Variants in SLC2A14 observed in about 807,000 individuals in gnomAD.
The protein encoded by SLC2A14 is solute carrier family 2, facilitated glucose transporter member 14.
In SLC2A14, 13 loss-of-function variants were observed where a neutral mutation model predicts 43.0. The observed-to-expected ratio is 0.30, with a 90% CI of 0.20 to 0.48. The LOEUF is 0.48. Among genes scored for constraint, SLC2A14 ranks in the 20% least tolerant of loss-of-function variants. The pLI is 0.99. For synonymous variants in SLC2A14, 190 were observed against 233.8 expected (o/e 0.81, Z 1.71); for missense variants, 428 against 620.4 (o/e 0.69, Z 3.29).
intron 2 of SLC2A14, among the ~76,000 whole-genome samples, chr12:7,855,094 C>T (rs1867250305): frequency 6.6e-6 from 1 of 152,108 alleles, no homozygotes; most frequent in Non-Finnish European, 1.5e-5. Context: ...AGGCATGAGC[C>T]ACCGCATCCA....
chr12:7,883,658 C>T (rs1412054643), intron 1 of SLC2A14, among the ~76,000 whole-genome samples: 3 of 133,396 alleles, frequency 2.2e-5, no homozygotes, highest in African/African-American at 5.9e-5. Context: ...GCAGTCTCGG[C>T]TCACAGCCTC....
At chr12:7,855,222 T>C (rs189713416) in intron 2 of SLC2A14, among the ~76,000 whole-genome samples, 173 of 152,286 alleles carry the variant, frequency 1.1e-3, no homozygotes, top group Admixed American at 4.2e-3. Context: ...ATTCCATCTT[T>C]ACATCCTCTT....
At chr12:7,888,220 C>T (rs772474400) in intron 1 of SLC2A14, among the ~76,000 whole-genome samples, 1 of 152,074 alleles carries the variant, frequency 6.6e-6, no homozygotes, top group Non-Finnish European at 1.5e-5. Flanking sequence ...CTTCGGTTGG[C>T]ACACATGCCA....
intron 10 of SLC2A14, among the ~76,000 whole-genome samples, chr12:7,816,757 G>A (rs1358159219): frequency 1.3e-5 from 2 of 151,934 alleles, no homozygotes; most frequent in Non-Finnish European, 1.5e-5. Context: ...ACCCAGGCTG[G>A]AGTGTCATGG....
chr12:7,887,516 C>T (rs754885274), intron 1 of SLC2A14, among the ~76,000 whole-genome samples: 1 of 151,854 alleles, frequency 6.6e-6, no homozygotes, highest in South Asian at 2.1e-4. Context: ...AAAGTAATTG[C>T]CCTCACAGAG....
At chr12:7,864,024 G>C (rs2889501) in intron 2 of SLC2A14, among the ~76,000 whole-genome samples, 59,724 of 151,056 alleles carry the variant, frequency 0.4, 11,881 homozygotes, top group East Asian at 0.56. Flanking sequence ...CACTGTGGTA[G>C]CCAGGATGGT....
chr12:7,872,842 C>T lies in SLC2A14; in HGVS notation c.-93G>A. The T allele has an allele frequency of 2.0e-6, 2 of 985,526 alleles. No individual in the cohort carries two copies. Among genetic ancestry groups the T allele is most frequent in the Non-Finnish European group, 2.4e-6 (2 of 830,028 alleles). 61.0% of individuals were successfully genotyped at this position (985,526 alleles called of 1,614,324 possible). A position where few individuals can be genotyped will look rare whatever the true frequency, so the allele number is the denominator to read the frequency against. ...CCGCGACTGCGGTTGGGCCCCGCGG[C>T]TTCGCTCAACCACGCACCTCCCGGG... On this transcript the variant is annotated 5_prime_UTR_variant, in exon 1 of 11. Coordinates refer to ENST00000431042, the MANE Select transcript of SLC2A14 (RefSeq NM_001286234.2).
At chr12:7,851,791 G>T (rs1866958921) in intron 2 of SLC2A14, among the ~76,000 whole-genome samples, 1 of 152,100 alleles carries the variant, frequency 6.6e-6, no homozygotes, top group Non-Finnish European at 1.5e-5. Flanking sequence ...GGTAGCCTGA[G>T]AATGAAGCTA....
At chr12:7,840,053 A>G in intron 2 of SLC2A14, 1 of 315,316 alleles carries the variant, frequency 3.2e-6, no homozygotes, top group Admixed American at 4.4e-5. Context: ...TCAAGCCTGC[A>G]GTGAGCTATG....
At position 7,831,763 on chromosome 12, in the gene SLC2A14, A is replaced by T. The variant is rs776761126; in HGVS notation, c.113T>A (p.Ile38Asn). The T allele has an allele frequency of 1.2e-6, 2 of 1,614,206 alleles. No individual in the cohort carries two copies. Among genetic ancestry groups the T allele is most frequent in the Non-Finnish European group, 8.5e-7 (1 of 1,180,034 alleles). Reference sequence around the variant, plus strand: ...AGTTTTATTGATAAATTCCTTTATGATCTGCAAAATAAAAGGTGGGAGGAC... The same window carrying T: ...AGTTTTATTGATAAATTCCTTTATGTTCTGCAAAATAAAAGGTGGGAGGAC... ...NTGVINAPET[I>N]IKEFINKTLT... The change falls in exon 4 of 11, where the codon ATC becomes AAC. Residue 38 changes from isoleucine (I) to asparagine (N), a missense_variant and splice_region_variant. By Grantham distance (149) the Ile-to-Asn change is moderately radical. Coordinates refer to ENST00000431042, the MANE Select transcript of SLC2A14 (RefSeq NM_001286234.2).
intron 8 of SLC2A14, among the ~76,000 whole-genome samples, chr12:7,820,449 A>G (rs1424128343): frequency 6.6e-6 from 1 of 152,120 alleles, no homozygotes; most frequent in Non-Finnish European, 1.5e-5. Context: ...CAGTCTTGGG[A>G]AATCGGCCAC....
intron 10 of SLC2A14, among the ~76,000 whole-genome samples, chr12:7,814,937 C>T (rs1413170577): frequency 2.6e-5 from 4 of 151,832 alleles, no homozygotes; most frequent in South Asian, 2.1e-4. Context: ...GTAGCTGGGA[C>T]TACAGGTGCC....
intron 4 of SLC2A14, among the ~76,000 whole-genome samples, chr12:7,831,049 G>A (rs1016141354): frequency 2.6e-5 from 4 of 151,384 alleles, no homozygotes; most frequent in African/African-American, 4.9e-5. Flanking sequence ...ACTTGAACCC[G>A]GGAGGCAGAG....
chr12:7,851,924 T>C (rs1347686367), intron 2 of SLC2A14, among the ~76,000 whole-genome samples: 1 of 152,314 alleles, frequency 6.6e-6, no homozygotes, highest in Non-Finnish European at 1.5e-5. Context: ...GACAGCATCA[T>C]TCTTTGTCTC....
Position 7,814,210 on chromosome 12 carries a change from G to A in SLC2A14, c.*106C>T, listed in dbSNP as rs1249102912. 5 of 1,487,938 alleles carry A rather than the reference G, an allele frequency of 3.4e-6. No homozygotes were observed. In the African/African-American group the frequency reaches 7.0e-5, roughly 21 times the overall value. The allele number at this position is 1,487,938 out of a possible 1,614,324, so 92.2% of individuals were successfully genotyped here. On this transcript the variant is annotated 3_prime_UTR_variant, in exon 11 of 11. Transcript: ENST00000431042. The stretch of plus-strand genomic sequence containing the variant: ...GTGCGTGGGATGAGAAAGAAATCAA[G>A]TAGCAGCATTCAGAAGCAGTCCTGG...
Position 7,826,903 on chromosome 12 carries a change from T to TTCTTTC in SLC2A14, c.864+586_864+591dup, listed in dbSNP as rs1358895890. Among the ~76,000 whole-genome samples, 8 of 76,490 alleles carry TTCTTTC rather than the reference T, an allele frequency of 1.0e-4. 2 individuals carry two copies. Among genetic ancestry groups the TTCTTTC allele is most frequent in the Non-Finnish European group, 1.8e-4 (7 of 38,560 alleles). The allele number at this position is 76,490 out of a possible 152,430, so 50.2% of individuals were successfully genotyped here. A position where few individuals can be genotyped will look rare whatever the true frequency, so the allele number is the denominator to read the frequency against. ...TTTCTTTCTTTCTTTCTTTCTTTCT[T>TTCTTTC]TCTTTCTTTCTTTTTCCTTTTTCTT... On this transcript the variant is annotated intron_variant, in intron 7 of 10. Coordinates refer to ENST00000431042, the MANE Select transcript of SLC2A14 (RefSeq NM_001286234.2).
Position 7,830,136 on chromosome 12 carries a change from T to A in SLC2A14, c.273-130A>T, listed in dbSNP as rs1173401327. On this transcript the variant is annotated intron_variant, in intron 4 of 10. Transcript: ENST00000431042. ...CCTTTTTTGGTCTAACTTTTCTTTTTCACTTTCTTTTCTTTTCTTTCTTTT... is the reference window on the plus strand; with the variant it reads ...CCTTTTTTGGTCTAACTTTTCTTTTACACTTTCTTTTCTTTTCTTTCTTTT... 4.0e-6 allele frequency: 5 copies of A among 1,253,174 alleles called. No homozygotes were observed. The African/African-American group carries it at 7.8e-5, about 19-fold the overall frequency. 77.6% of individuals were successfully genotyped at this position (1,253,174 alleles called of 1,614,324 possible).
intron 2 of SLC2A14, among the ~76,000 whole-genome samples, chr12:7,867,286 AAAAAAAAAAAAAAAC>A (rs1357407454): frequency 1.7e-5 from 2 of 116,290 alleles, no homozygotes; most frequent in Non-Finnish European, 3.7e-5. Flanking sequence ...GTCTCAAAAA[AAAAAAAAAAAAAAAC>A]AAAAAAAACA....
intron 10 of SLC2A14, among the ~76,000 whole-genome samples, chr12:7,814,946 C>CAA (rs1863302281): frequency 6.6e-6 from 1 of 151,798 alleles, no homozygotes; most frequent in Non-Finnish European, 1.5e-5. Context: ...ACTACAGGTG[C>CAA]CCACCAGCAC....
Sources: allele counts gnomAD v4.1 joint callset (sites outside exome capture counted in the v4.1 genomes callset), GRCh38; gene constraint gnomAD v4.1.1; transcripts MANE v1.5; gene names NCBI Gene and HGNC (gene_info 2026-07-23, HGNC 2026-07-21).